The following CPD variants were observed in gnomAD, a reference collection of about 807,000 sequenced individuals.
CPD encodes metallocarboxypeptidase D.
Under a neutral mutation model 138.3 loss-of-function variants are expected in CPD, and 69 were observed. That is an observed-to-expected ratio of 0.50 (90% CI 0.41 to 0.61). CPD has a LOEUF of 0.61. Ranked by LOEUF, CPD falls within the 20% of genes least tolerant of loss-of-function variation. CPD has a pLI of 0.00. For missense variants in CPD, 1,432 were observed against 1,733.3 expected, an observed-to-expected ratio of 0.83 and a Z score of 3.09; for synonymous variants, 651 against 642.1, an observed-to-expected ratio of 1.01 and a Z score of -0.21.
At chr17:30,388,244 A>G (rs999692957) in intron 2 of CPD, among the ~76,000 whole-genome samples, 1 of 152,172 alleles carries the variant, frequency 6.6e-6, no homozygotes, top group Non-Finnish European at 1.5e-5. Flanking sequence ...TCCCCACTCC[A>G]GTCTATGGGA....
chr17:30,434,176 A>G (rs1040845248), intron 8 of CPD, among the ~76,000 whole-genome samples: 2 of 152,202 alleles, frequency 1.3e-5, no homozygotes, highest in Non-Finnish European at 2.9e-5. Flanking sequence ...GTGATAACCT[A>G]TCTCCCAGGG....
At chr17:30,461,409 T>G (rs560675650) in intron 18 of CPD, 98 bp downstream of exon 18, 692 of 891,320 alleles carry the variant, frequency 7.8e-4, no homozygotes, top group Non-Finnish European at 9.4e-4. Context: ...GTATATTATT[T>G]ATTTTAAATT....
intron 2 of CPD, among the ~76,000 whole-genome samples, chr17:30,416,402 C>A (rs1048350104): frequency 6.6e-6 from 1 of 152,198 alleles, no homozygotes; most frequent in Non-Finnish European, 1.5e-5. Context: ...TTGTACTGTA[C>A]ATGTAAAAAT....
intron 3 of CPD, among the ~76,000 whole-genome samples, chr17:30,421,401 T>G (rs959947855): frequency 2.6e-5 from 4 of 152,158 alleles, no homozygotes; most frequent in Non-Finnish European, 5.9e-5. Context: ...AGTTACACCT[T>G]GTTGAGAAAA....
At chr17:30,424,680 C>A (rs1912355291) in intron 6 of CPD, among the ~76,000 whole-genome samples, 1 of 152,224 alleles carries the variant, frequency 6.6e-6, no homozygotes. Context: ...AATTTATTGA[C>A]TTCTCATTTC....
intron 1 of CPD, among the ~76,000 whole-genome samples, chr17:30,382,415 T>C (rs1373337016): frequency 6.6e-6 from 1 of 152,214 alleles, no homozygotes; most frequent in Non-Finnish European, 1.5e-5. Context: ...TTTCAGAGAA[T>C]TGATTTGAAT....
intron 6 of CPD, among the ~76,000 whole-genome samples, chr17:30,426,071 A>G (rs1912398961): frequency 6.6e-6 from 1 of 151,980 alleles, no homozygotes; most frequent in African/African-American, 2.4e-5. Flanking sequence ...GTGGTGGCGC[A>G]CACCTGTAAT....
At position 30,466,623 on chromosome 17, in the gene CPD, T is replaced by C. The variant is rs1409660958; in HGVS notation, c.*1809T>C. 6.6e-6 allele frequency: 1 copy of C among 152,602 alleles called. No individual in the cohort carries two copies. The highest frequency in any genetic ancestry group is 6.5e-5 in the Admixed American group (1 of 15,268). 9.5% of individuals were successfully genotyped at this position (152,602 alleles called of 1,614,324 possible). A position where few individuals can be genotyped will look rare whatever the true frequency, so the allele number is the denominator to read the frequency against. On this transcript the variant is annotated 3_prime_UTR_variant, in exon 21 of 21. Coordinates refer to ENST00000225719, the MANE Select transcript of CPD (RefSeq NM_001304.5). ...TGTTTTCTTTAAGGATGGTGGTGTA[T>C]TGCTCTTTTTCAGCTTTATTTTTAA...
intron 2 of CPD, among the ~76,000 whole-genome samples, chr17:30,392,008 C>CTT (rs869193468): frequency 2.2e-4 from 29 of 134,272 alleles, no homozygotes; most frequent in African/African-American, 4.3e-4. Context: ...TTTGGATAAT[C>CTT]TTTTTTTTTT....
intron 2 of CPD, among the ~76,000 whole-genome samples, chr17:30,394,181 A>G (rs1296351076): frequency 1.3e-5 from 2 of 149,516 alleles, no homozygotes; most frequent in Non-Finnish European, 1.5e-5. Context: ...AAAAAGAAAA[A>G]AAAAAGCTTA....
chr17:30,391,132 CTTT>C lies in CPD; in HGVS notation c.994+5915_994+5917del, dbSNP rs5819898. 4.4e-3 allele frequency among the ~76,000 whole-genome samples: 501 copies of C among 114,816 alleles called. 4 individuals are homozygous for C. Among genetic ancestry groups the C allele is most frequent in the East Asian group, 0.018 (73 of 4,100 alleles). The allele number at this position is 114,816 out of a possible 152,430, so 75.3% of individuals were successfully genotyped here. A position where few individuals can be genotyped will look rare whatever the true frequency, so the allele number is the denominator to read the frequency against. On this transcript the variant is annotated intron_variant, in intron 2 of 20. Transcript: ENST00000225719. Reference sequence around the variant, plus strand: ...GGCCTGAGCTACCGTGCCTGGCCGCCTTTTTTTTTTTTTTTTTTTTTAATCACA... The same window carrying C: ...GGCCTGAGCTACCGTGCCTGGCCGCCTTTTTTTTTTTTTTTTTTAATCACA...
At chr17:30,413,329 G>A (rs1912017094) in intron 2 of CPD, among the ~76,000 whole-genome samples, 1 of 152,158 alleles carries the variant, frequency 6.6e-6, no homozygotes. Flanking sequence ...GGCTTGGTAG[G>A]GATAGGAAAA....
In CPD at chr17:30,385,024, T is replaced by A; in HGVS notation, c.782T>A (p.Val261Glu). 6.2e-7 allele frequency: 1 copy of A among 1,614,108 alleles called. No homozygotes were observed. ...VLSGNLHGGS[V>E]VASYPFDDSP... Reference sequence around the variant, plus strand: ...TCTGGAAATCTGCATGGTGGCTCAGTGGTAGCAAGCTATCCTTTTGATGAT... The same window carrying A: ...TCTGGAAATCTGCATGGTGGCTCAGAGGTAGCAAGCTATCCTTTTGATGAT... The change falls in exon 2 of 21, where the codon GTG becomes GAG. Residue 261 changes from valine to glutamate, a missense_variant. By Grantham distance (121) the Val-to-Glu change is moderately radical. Coordinates refer to ENST00000225719, the MANE Select transcript of CPD (RefSeq NM_001304.5).
chr17:30,464,763 C>A lies in CPD; in HGVS notation c.4092C>A (p.Phe1364Leu). The A allele has an allele frequency of 6.2e-7, 1 of 1,613,902 alleles. No homozygotes were observed. The highest frequency in any genetic ancestry group is 8.5e-7 in the Non-Finnish European group (1 of 1,179,884). Residue 1364 changes from phenylalanine (F) to leucine (L), a missense_variant, in exon 21 of 21, where the codon TTC becomes TTA. Phe to Leu is a conservative substitution (Grantham distance 22). This residue lies in a region of CPD where 366 missense variants were observed against 518.8 expected (regional missense o/e 0.71). Coordinates refer to ENST00000225719, the MANE Select transcript of CPD (RefSeq NM_001304.5). ...GSKKSLLSHE[F>L]QDETDTEEET... is the part of the protein sequence containing the mutation. ...AGAAGTCCCTCCTAAGCCATGAGTT[C>A]CAGGATGAAACAGACACTGAAGAGG...
At chr17:30,459,421 G>C (rs529786499) in intron 17 of CPD, among the ~76,000 whole-genome samples, 2 of 147,476 alleles carry the variant, frequency 1.4e-5, no homozygotes, top group African/African-American at 5.0e-5. Context: ...CCCTTCCTGT[G>C]TCCATGTGTT....
chr17:30,408,450 T>G (rs938845164), intron 2 of CPD, among the ~76,000 whole-genome samples: 2 of 152,234 alleles, frequency 1.3e-5, no homozygotes, highest in Non-Finnish European at 2.9e-5. Context: ...CATGGAATGT[T>G]CTTCCATTTG....
chr17:30,395,724 T>TTAA (rs1555606714), intron 2 of CPD, among the ~76,000 whole-genome samples: 107 of 145,138 alleles, frequency 7.4e-4, no homozygotes, highest in African/African-American at 1.9e-3. Context: ...AGAGTACATT[T>TTAA]AAAAAAAAAA....
chr17:30,419,645 T>C (rs746047645), intron 2 of CPD, among the ~76,000 whole-genome samples: 1 of 152,056 alleles, frequency 6.6e-6, no homozygotes, highest in Non-Finnish European at 1.5e-5. Flanking sequence ...CCAGCCTAAA[T>C]CAGCATGTAT....
intron 6 of CPD, among the ~76,000 whole-genome samples, chr17:30,424,383 AAG>A (rs1355512650): frequency 6.6e-6 from 1 of 152,132 alleles, no homozygotes; most frequent in Non-Finnish European, 1.5e-5. Context: ...TGATTTCCAA[AAG>A]AGAGGAGGCA....
Sources: allele counts gnomAD v4.1 joint callset (sites outside exome capture counted in the v4.1 genomes callset), GRCh38; gene constraint gnomAD v4.1.1; regional missense constraint gnomAD v4.1.1; transcripts MANE v1.5; gene names NCBI Gene and HGNC (gene_info 2026-07-23, HGNC 2026-07-21).